CREB5: variants seen among roughly 807,000 people sequenced by gnomAD.
CREB5 encodes the protein cAMP responsive element binding protein 5.
In CREB5, 19 loss-of-function variants were observed where a neutral mutation model predicts 57.1. That is an observed-to-expected ratio of 0.33 (90% CI 0.23 to 0.49). The LOEUF is 0.49. Among genes scored for constraint, CREB5 ranks in the 20% least tolerant of loss-of-function variants. The probability of loss-of-function intolerance (pLI) is 0.99; values close to 1 mark genes in which losing one functional copy is unlikely to be tolerated. For missense variants in CREB5, 579 were observed against 671.6 expected (o/e 0.86, Z 1.52); for synonymous variants, 238 against 238.3 (o/e 1.00, Z 0.01).
chr7:28,522,394 T>G (rs535776584), intron 4 of CREB5, among the ~76,000 whole-genome samples: 5 of 144,998 alleles, frequency 3.4e-5, no homozygotes, highest in African/African-American at 1.3e-4. Flanking sequence ...CTCTTTGTTT[T>G]TTTTTTTTTT....
chr7:28,664,323 G>A (rs548038488), intron 5 of CREB5, among the ~76,000 whole-genome samples: 5 of 152,198 alleles, frequency 3.3e-5, no homozygotes, highest in African/African-American at 1.2e-4. Flanking sequence ...AGCCCTTCAA[G>A]TAAAACTTGG....
chr7:28,356,857 C>T (rs1019225), intron 1 of CREB5, among the ~76,000 whole-genome samples: 137,768 of 152,226 alleles, frequency 0.91, 62,982 homozygotes, highest in Non-Finnish European at 0.97. Context: ...CTAAGTCACA[C>T]GGCCGTCTGT....
In CREB5 at chr7:28,809,257, G is replaced by A. The variant is rs376502932; in HGVS notation, c.1097G>A (p.Arg366Gln). 3.1e-6 allele frequency: 5 copies of A among 1,614,034 alleles called. No homozygotes were observed. The highest frequency in any genetic ancestry group is 3.4e-6 in the Non-Finnish European group (4 of 1,180,036). ...CCACCCCAGCCCACAGGGGGGCGCCGGCGAAGGGTGGTAGACGAGGATCCG... is the reference window on the plus strand; with the variant it reads ...CCACCCCAGCCCACAGGGGGGCGCCAGCGAAGGGTGGTAGACGAGGATCCG... ...IQPPQPTGGR[R>Q]RRVVDEDPDE... Residue 366 changes from arginine to glutamine, a missense_variant, in exon 9 of 11, where the codon CGG becomes CAG. Physicochemically the swap from Arg to Gln is conservative, Grantham distance 43. Transcript: ENST00000357727.
intron 4 of CREB5, among the ~76,000 whole-genome samples, chr7:28,515,933 T>TG (rs1410085883): frequency 3.3e-5 from 5 of 151,928 alleles, no homozygotes; most frequent in Non-Finnish European, 7.4e-5. Flanking sequence ...TGACCAGGTG[T>TG]GGTGGCTTAT....
At chr7:28,621,258 G>A (rs1348183237) in intron 5 of CREB5, among the ~76,000 whole-genome samples, 4 of 152,144 alleles carry the variant, frequency 2.6e-5, no homozygotes, top group African/African-American at 9.7e-5. Flanking sequence ...CAGGTGGTGT[G>A]TAAAAAATTA....
chr7:28,666,876 G>A (rs550198295), intron 5 of CREB5, among the ~76,000 whole-genome samples: 7 of 151,630 alleles, frequency 4.6e-5, no homozygotes, highest in South Asian at 4.2e-4. Context: ...CAAAGCTGCC[G>A]TGAGCTATCA....
At chr7:28,542,996 A>T (rs1794264149) in intron 4 of CREB5, among the ~76,000 whole-genome samples, 1 of 151,984 alleles carries the variant, frequency 6.6e-6, no homozygotes, top group Admixed American at 6.6e-5. Context: ...TCATCATCAT[A>T]ATTGCCCTGA....
intron 4 of CREB5, among the ~76,000 whole-genome samples, chr7:28,546,345 A>T (rs1205453530): frequency 1.3e-5 from 2 of 152,248 alleles, no homozygotes; most frequent in Non-Finnish European, 2.9e-5. Context: ...TAATGCTGAT[A>T]GGAACATCTG....
intron 4 of CREB5, among the ~76,000 whole-genome samples, chr7:28,508,860 A>G (rs1031698871): frequency 3.9e-5 from 6 of 152,200 alleles, no homozygotes; most frequent in African/African-American, 1.2e-4. Context: ...TCTTTTTTAA[A>G]CAAGCACTTA....
At chr7:28,547,057 CT>C (rs1453325169) in intron 4 of CREB5, among the ~76,000 whole-genome samples, 2 of 152,188 alleles carry the variant, frequency 1.3e-5, no homozygotes, top group Non-Finnish European at 2.9e-5. Context: ...TGATTGGTAA[CT>C]TTAAATAATT....
intron 5 of CREB5, among the ~76,000 whole-genome samples, chr7:28,572,533 A>G (rs915642152): frequency 1.3e-5 from 2 of 152,218 alleles, no homozygotes; most frequent in African/African-American, 4.8e-5. Context: ...TTCAAGGGGA[A>G]AAAACATAAA....
Position 28,473,397 on chromosome 7 carries a change from A to G in CREB5, c.4-14778A>G, listed in dbSNP as rs1790914468. Among the ~76,000 whole-genome samples the G allele has an allele frequency of 2.6e-5, 4 of 152,052 alleles. No individual in the cohort carries two copies. The South Asian group carries it at 8.3e-4, about 32-fold the overall frequency. The stretch of plus-strand genomic sequence containing the variant: ...TCACCCTCTTTATCTCTTTCAGTGA[A>G]CTCTCCAAAATGTGCTGTTAGTTTC... On this transcript the variant is annotated intron_variant, in intron 1 of 10. Coordinates refer to ENST00000357727, the MANE Select transcript of CREB5 (RefSeq NM_182898.4).
At chr7:28,704,311 A>C (rs1802001329) in intron 5 of CREB5, among the ~76,000 whole-genome samples, 1 of 152,176 alleles carries the variant, frequency 6.6e-6, no homozygotes, top group Non-Finnish European at 1.5e-5. Context: ...CCTCAGCTAA[A>C]TGTTACTTGC....
At chr7:28,727,510 T>TTA (rs1803391932) in intron 7 of CREB5, among the ~76,000 whole-genome samples, 1 of 152,230 alleles carries the variant, frequency 6.6e-6, no homozygotes, top group Non-Finnish European at 1.5e-5. Context: ...ATTTCCAGTC[T>TTA]CTATAGCATG....
intron 5 of CREB5, among the ~76,000 whole-genome samples, chr7:28,627,413 T>C (rs1798041344): frequency 6.6e-6 from 1 of 152,232 alleles, no homozygotes; most frequent in Non-Finnish European, 1.5e-5. Context: ...ATACCAGTAC[T>C]TGGGCCCATC....
intron 3 of CREB5, among the ~76,000 whole-genome samples, chr7:28,499,635 G>A (rs1381267648): frequency 1.3e-5 from 2 of 152,196 alleles, no homozygotes; most frequent in East Asian, 1.9e-4. Context: ...CCAGGCTGGA[G>A]TGCAATGGCG....
intron 5 of CREB5, among the ~76,000 whole-genome samples, chr7:28,658,133 A>G (rs1021320519): frequency 1.3e-5 from 2 of 152,218 alleles, no homozygotes; most frequent in African/African-American, 4.8e-5. Context: ...ATAAGGGCGG[A>G]GCACGGCTTG....
Position 28,418,942 on chromosome 7 carries a change from G to T in CREB5, c.3+6025G>T, listed in dbSNP as rs559201640. On this transcript the variant is annotated intron_variant, in intron 1 of 10. Coordinates refer to ENST00000357727, the MANE Select transcript of CREB5 (RefSeq NM_182898.4). Reference sequence around the variant, plus strand: ...GTATTTATAAATAACATTCTTTCGGGTGCTTTCCCATGCATTATTTGCAGT... The same window carrying T: ...GTATTTATAAATAACATTCTTTCGGTTGCTTTCCCATGCATTATTTGCAGT... 2.6e-5 allele frequency among the ~76,000 whole-genome samples: 4 copies of T among 152,240 alleles called. No individual in the cohort carries two copies. In the South Asian group the frequency reaches 8.3e-4, roughly 32 times the overall value.
At chr7:28,560,911 T>TGCGTGTGCGTGCGTGTGC (rs1174704522) in intron 4 of CREB5, among the ~76,000 whole-genome samples, 6 of 36,052 alleles carry the variant, frequency 1.7e-4, no homozygotes, top group Non-Finnish European at 3.0e-4. Context: ...CGCGCGTGCG[T>TGCGTGTGCGTGCGTGTGC]GTGCGTGTGT....
Sources: gnomAD v4.1 joint callset for allele counts (sites outside exome capture counted in the v4.1 genomes callset) on GRCh38, gnomAD v4.1.1 for gene constraint, MANE v1.5 for transcripts, NCBI Gene and HGNC (gene_info 2026-07-23, HGNC 2026-07-21) for gene names.